Variants in PSAT1 observed in about 807,000 individuals in gnomAD.
PSAT1 encodes phosphoserine aminotransferase 1.
PSAT1 carries 41 observed loss-of-function variants against 40.3 expected under a neutral mutation model. That is an observed-to-expected ratio of 1.02 (90% CI 0.79 to 1.32). The LOEUF (loss-of-function observed/expected upper bound fraction) is 1.32, where lower values mean the gene tolerates loss of function less well. Ranked by LOEUF, PSAT1 falls within the 40% of genes most tolerant of loss-of-function variation. PSAT1 has a pLI of 0.00. For synonymous variants in PSAT1, 147 were observed against 170.5 expected, an observed-to-expected ratio of 0.86 and a Z score of 1.07; for missense variants, 406 against 455.8, an observed-to-expected ratio of 0.89 and a Z score of 0.99.
chr9:78,302,733 C>CAAAAAA (rs373285782), intron 3 of PSAT1, among the ~76,000 whole-genome samples: 4 of 104,220 alleles, frequency 3.8e-5, no homozygotes, highest in African/African-American at 4.0e-5. Context: ...GACTCCGTCT[C>CAAAAAA]AAAAAAAAAA....
intron 8 of PSAT1, 121 bp from the exon 9 acceptor site, chr9:78,328,860 A>G (rs1828540013): frequency 1.3e-6 from 1 of 780,854 alleles, no homozygotes. Flanking sequence ...GTTTTTAGGT[A>G]GGAGACCGGA....
At chr9:78,319,424 C>G (rs1828395576) in intron 7 of PSAT1, among the ~76,000 whole-genome samples, 1 of 152,180 alleles carries the variant, frequency 6.6e-6, no homozygotes, top group Admixed American at 6.5e-5. Context: ...CAGGCACCAT[C>G]TCAGGGAAGG....
In PSAT1 at chr9:78,329,409, C is replaced by T. The variant is rs924660684; in HGVS notation, c.*323C>T. 19 of 364,246 alleles carry T rather than the reference C, an allele frequency of 5.2e-5. No individual in the cohort carries two copies. The highest frequency in any genetic ancestry group is 3.2e-4 in the African/African-American group (15 of 47,284). 22.6% of individuals were successfully genotyped at this position (364,246 alleles called of 1,614,324 possible). On this transcript the variant is annotated 3_prime_UTR_variant, in exon 9 of 9. Transcript: ENST00000376588. ...CCTGTGGACTTAATAATGCAAGTTG[C>T]GATTAATTATTTCTGGAGTCATGGG...
chr9:78,319,384 C>T (rs535321595), intron 7 of PSAT1, among the ~76,000 whole-genome samples: 20 of 152,248 alleles, frequency 1.3e-4, no homozygotes, highest in East Asian at 5.8e-4. Flanking sequence ...TTAGGCTTGG[C>T]GGGATGCCTT....
chr9:78,306,332 C>A lies in PSAT1; in HGVS notation c.416C>A (p.Thr139Asn), dbSNP rs1564013951. ...GSYTKIPDPS[T>N]WNLNPDASYV... ...GTGATAGAAATTCCAGATCCAAGCA[C>A]CTGGAACCTCAACCCAGATGCCTCC... The change falls in exon 5 of 9, where the codon ACC becomes AAC. Residue 139 changes from threonine to asparagine, a missense_variant. Thr to Asn is a moderately conservative substitution (Grantham distance 65, BLOSUM62 0). Coordinates refer to ENST00000376588, the MANE Select transcript of PSAT1 (RefSeq NM_058179.4). 6.2e-7 allele frequency: 1 copy of A among 1,612,266 alleles called. No individual in the cohort carries two copies.
Position 78,328,236 on chromosome 9 carries a change from T to C in PSAT1, c.1007+48T>C, listed in dbSNP as rs183849660. ...AGCTTGGCAAAGAATTAGCTTAGTT[T>C]TTCAAATGCAGAATAAAACAAATCT... On this transcript the variant is annotated intron_variant, in intron 8 of 8. Transcript: ENST00000376588. 39 of 1,612,614 alleles carry C rather than the reference T, an allele frequency of 2.4e-5. No homozygotes were observed. In the African/African-American group the frequency reaches 3.7e-4, roughly 15 times the overall value.
At chr9:78,314,804 C>G (rs1263747101) in intron 6 of PSAT1, among the ~76,000 whole-genome samples, 1 of 151,920 alleles carries the variant, frequency 6.6e-6, no homozygotes, top group Non-Finnish European at 1.5e-5. Flanking sequence ...ATGGGCCTTG[C>G]TGCACTTTGG....
intron 6 of PSAT1, among the ~76,000 whole-genome samples, chr9:78,315,549 C>T (rs1401996579): frequency 2.0e-5 from 3 of 152,226 alleles, no homozygotes; most frequent in Non-Finnish European, 4.4e-5. Context: ...GGGCTGTTTC[C>T]TCTTCCTCCC....
chr9:78,323,444 G>C (rs1478983493), intron 7 of PSAT1, among the ~76,000 whole-genome samples: 1 of 152,062 alleles, frequency 6.6e-6, no homozygotes, highest in African/African-American at 2.4e-5. Context: ...GCCGGGTGTG[G>C]TGGTACATGC....
At position 78,297,230 on chromosome 9, in the gene PSAT1, T is replaced by C; in HGVS notation, c.20T>C (p.Val7Ala). 1 of 1,602,090 alleles carries C rather than the reference T, an allele frequency of 6.2e-7. No homozygotes were observed. Among genetic ancestry groups the C allele is most frequent in the Non-Finnish European group, 8.5e-7 (1 of 1,178,398 alleles). ...CGCACCATGGACGCCCCCAGGCAGG[T>C]GGTCAACTTTGGGCCTGGTCCCGCC... MDAPRQVVNFGPGPAKL... is the reference protein window; with the variant it reads MDAPRQAVNFGPGPAKL... Residue 7 changes from valine (V) to alanine (A), a missense_variant, in exon 1 of 9, where the codon GTG becomes GCG. By Grantham distance (64) the Val-to-Ala change is moderately conservative (BLOSUM62 0). Coordinates refer to ENST00000376588, the MANE Select transcript of PSAT1 (RefSeq NM_058179.4).
chr9:78,326,955 A>ATATATATTTTTTTTTTT lies in PSAT1; in HGVS notation c.870-1095_870-1094insATATATTTTTTTTTTTT. Among the ~76,000 whole-genome samples the ATATATATTTTTTTTTTT allele has an allele frequency of 2.9e-4, 22 of 75,930 alleles. 1 individual carries two copies. In the East Asian group the frequency reaches 6.8e-3, roughly 23 times the overall value. 49.8% of individuals were successfully genotyped at this position (75,930 alleles called of 152,430 possible). A position where few individuals can be genotyped will look rare whatever the true frequency, so the allele number is the denominator to read the frequency against. ...CAGCAATATATATATATATATATAT[A>ATATATATTTTTTTTTTT]TTTTTTTTTTTTTTTTTTGAGACAG... On this transcript the variant is annotated intron_variant, in intron 7 of 8. Transcript: ENST00000376588.
Position 78,317,744 on chromosome 9 carries a change from T to G in PSAT1, c.809T>G (p.Leu270Arg). The stretch of plus-strand genomic sequence containing the variant: ...GGAGGTGCCGCGGCCATGGAGAAGC[T>G]TAGCTCCATCAAATCTCAAACAATT... ...NNGGAAAMEKLSSIKSQTIYE... is the reference protein window; with the variant it reads ...NNGGAAAMEKRSSIKSQTIYE... Residue 270 changes from leucine (L) to arginine (R), a missense_variant, in exon 7 of 9, where the codon CTT (leucine) becomes CGT (arginine). Transcript: ENST00000376588. 1 of 1,613,600 alleles carries G rather than the reference T, an allele frequency of 6.2e-7. No homozygotes were observed. Among genetic ancestry groups the G allele is most frequent in the Non-Finnish European group, 8.5e-7 (1 of 1,179,630 alleles).
chr9:78,328,719 A>G (rs958690771), intron 8 of PSAT1, among the ~76,000 whole-genome samples: 2 of 152,238 alleles, frequency 1.3e-5, no homozygotes, highest in East Asian at 1.9e-4. Context: ...TCTTCCCCAC[A>G]TCTTGCTTGC....
chr9:78,311,281 G>A (rs1828263773), intron 6 of PSAT1, among the ~76,000 whole-genome samples: 1 of 152,128 alleles, frequency 6.6e-6, no homozygotes, highest in African/African-American at 2.4e-5. Flanking sequence ...GCAGGTAGAG[G>A]TACAGGAGGC....
chr9:78,301,931 G>A (rs1828112792), intron 2 of PSAT1, 23 bp from the exon 3 acceptor site: 4 of 1,566,564 alleles, frequency 2.6e-6, no homozygotes, highest in Non-Finnish European at 2.6e-6. Context: ...ATTTGTTATT[G>A]TTGTTTATCT....
chr9:78,300,451 T>A (rs1354752404), intron 1 of PSAT1, 151 bp from the exon 2 acceptor site: 2 of 966,730 alleles, frequency 2.1e-6, no homozygotes, highest in East Asian at 6.4e-5. Flanking sequence ...TTTGTGGACA[T>A]GGGAAGGAAG....
chr9:78,321,537 C>G (rs1399259527), intron 7 of PSAT1, among the ~76,000 whole-genome samples: 1 of 152,030 alleles, frequency 6.6e-6, no homozygotes, highest in East Asian at 1.9e-4. Flanking sequence ...GAAGATGCAC[C>G]CCCTCCCCAC....
rs1347601579 is a variant in PSAT1 at position 78,329,765 on chromosome 9, G to A, written c.*679G>A. 3 of 152,162 alleles carry A rather than the reference G, an allele frequency of 2.0e-5. No individual in the cohort carries two copies. The highest frequency in any genetic ancestry group is 2.0e-4 in the Admixed American group (3 of 15,262). The allele number at this position is 152,162 out of a possible 1,614,324, so 9.4% of individuals were successfully genotyped here. ...TAAATCCTTGACCTTGTGCATTATA[G>A]CATTCCATTAGCAAGAGTTGTACCC... is the stretch of plus-strand genomic sequence containing the variant. On this transcript the variant is annotated 3_prime_UTR_variant, in exon 9 of 9. Transcript: ENST00000376588.
intron 7 of PSAT1, among the ~76,000 whole-genome samples, chr9:78,321,913 AATAT>A (rs199681282): frequency 0.014 from 2,188 of 152,260 alleles, 57 homozygotes; most frequent in African/African-American, 0.044. Flanking sequence ...CTGAATCAAG[AATAT>A]ATAATATAAG....
Sources: allele counts gnomAD v4.1 joint callset (sites outside exome capture counted in the v4.1 genomes callset), GRCh38; gene constraint gnomAD v4.1.1; transcripts MANE v1.5; gene names NCBI Gene and HGNC (gene_info 2026-07-23, HGNC 2026-07-21).